Variants in GLI2 observed in about 807,000 individuals in gnomAD.
GLI2 encodes the protein transcription activator GLI2.
A neutral mutation model predicts 78.9 loss-of-function variants in GLI2; 22 were observed. The ratio of observed to expected loss-of-function variants is 0.28; its 90% confidence interval spans 0.20 to 0.40. The LOEUF (loss-of-function observed/expected upper bound fraction) is 0.40. Ranked by LOEUF, GLI2 falls within the 10% of genes least tolerant of loss-of-function variation. The pLI, the probability that GLI2 is intolerant of heterozygous loss-of-function variation, is 1.00. For missense variants in GLI2, 2,097 were observed against 2,213.2 expected (o/e 0.95, Z 1.05); for synonymous variants, 974 against 963.7 (o/e 1.01, Z -0.20).
At chr2:120,947,026 C>T (rs1439928335) in intron 3 of GLI2, among the ~76,000 whole-genome samples, 4 of 152,188 alleles carry the variant, frequency 2.6e-5, no homozygotes, top group Non-Finnish European at 4.4e-5. Flanking sequence ...CAGCTCCCTA[C>T]CCAGAGTAGG....
intron 2 of GLI2, among the ~76,000 whole-genome samples, chr2:120,926,302 C>G (rs897652731): frequency 6.6e-6 from 1 of 151,850 alleles, no homozygotes; most frequent in Admixed American, 6.6e-5. Flanking sequence ...TTTGGGAGGC[C>G]GAGGCAGATG....
chr2:120,864,698 T>C (rs1055441312), intron 2 of GLI2, among the ~76,000 whole-genome samples: 1 of 152,200 alleles, frequency 6.6e-6, no homozygotes, highest in Non-Finnish European at 1.5e-5. Flanking sequence ...CCACCCACGT[T>C]GGCCTCCCAA....
chr2:120,932,134 G>A (rs185564937), intron 3 of GLI2, among the ~76,000 whole-genome samples: 7 of 152,294 alleles, frequency 4.6e-5, no homozygotes, highest in African/African-American at 9.6e-5. Context: ...GTTGGAGCCC[G>A]GTGGAGAATC....
chr2:120,768,508 G>T lies in GLI2; in HGVS notation c.-30-28783G>T, dbSNP rs181390284. Among the ~76,000 whole-genome samples, 18 of 152,334 alleles carry T rather than the reference G, an allele frequency of 1.2e-4. No homozygotes were observed. The East Asian group carries it at 2.7e-3, about 23-fold the overall frequency. On this transcript the variant is annotated intron_variant, in intron 1 of 13. Coordinates refer to ENST00000361492, the MANE Select transcript of GLI2 (RefSeq NM_001374353.1). ...TGGCCCGCTGCTGGGAACAGAAGGG[G>T]CTCCGTCTACAGAGTGACTTGTTGC...
At chr2:120,923,326 A>G (rs546755694) in intron 2 of GLI2, among the ~76,000 whole-genome samples, 1 of 151,246 alleles carries the variant, frequency 6.6e-6, no homozygotes, top group African/African-American at 2.4e-5. Context: ...TACAACACAC[A>G]CATGCACATA....
intron 4 of GLI2, among the ~76,000 whole-genome samples, chr2:120,952,813 T>C (rs1188156060): frequency 6.6e-6 from 1 of 152,232 alleles, no homozygotes; most frequent in Non-Finnish European, 1.5e-5. Context: ...CCTATCCACA[T>C]CACTCCTGAG....
intron 3 of GLI2, among the ~76,000 whole-genome samples, chr2:120,946,823 T>C (rs1680730931): frequency 6.6e-6 from 1 of 152,222 alleles, no homozygotes; most frequent in Admixed American, 6.5e-5. Flanking sequence ...GCTGTGTGGT[T>C]TGGCAATGCT....
chr2:120,867,679 G>A (rs1247938703), intron 2 of GLI2, among the ~76,000 whole-genome samples: 1 of 152,252 alleles, frequency 6.6e-6, no homozygotes, highest in Non-Finnish European at 1.5e-5. Context: ...GTGTGTGAAG[G>A]CCTGGCCTGC....
intron 2 of GLI2, among the ~76,000 whole-genome samples, chr2:120,808,382 C>G (rs1384268888): frequency 6.6e-6 from 1 of 152,168 alleles, no homozygotes; most frequent in Non-Finnish European, 1.5e-5. Context: ...GCAAAGGCCC[C>G]TGTTGTCCAT....
chr2:120,921,870 A>C (rs2104848263), intron 2 of GLI2, among the ~76,000 whole-genome samples: 1 of 152,200 alleles, frequency 6.6e-6, no homozygotes, highest in East Asian at 1.9e-4. Flanking sequence ...GTGCCTGGCA[A>C]GTTAGCCTTC....
intron 2 of GLI2, among the ~76,000 whole-genome samples, chr2:120,798,045 T>C: frequency 6.6e-6 from 1 of 152,156 alleles, no homozygotes; most frequent in East Asian, 1.9e-4. Context: ...AGCATCCCGT[T>C]GGGAAAGTTT....
intron 2 of GLI2, among the ~76,000 whole-genome samples, chr2:120,831,113 C>T (rs1352209545): frequency 1.3e-5 from 2 of 151,866 alleles, no homozygotes; most frequent in African/African-American, 4.8e-5. Context: ...TTCTGTCATC[C>T]TCTCTCTTTC....
intron 2 of GLI2, among the ~76,000 whole-genome samples, chr2:120,830,083 G>T (rs1573445665): frequency 6.6e-6 from 1 of 152,198 alleles, no homozygotes; most frequent in Non-Finnish European, 1.5e-5. Flanking sequence ...GTGTGCTGCT[G>T]AGTGAGTGGG....
intron 2 of GLI2, among the ~76,000 whole-genome samples, chr2:120,825,257 T>C (rs1419826173): frequency 6.6e-6 from 1 of 152,246 alleles, no homozygotes; most frequent in Non-Finnish European, 1.5e-5. Flanking sequence ...GTTTTACAAA[T>C]ACATGATAAA....
chr2:120,862,052 G>T (rs1687927778), intron 2 of GLI2, among the ~76,000 whole-genome samples: 1 of 152,238 alleles, frequency 6.6e-6, no homozygotes, highest in Admixed American at 6.5e-5. Flanking sequence ...TGGCCCGTGT[G>T]TGAGTCTTTT....
chr2:120,765,197 T>C (rs1369852008), intron 1 of GLI2, among the ~76,000 whole-genome samples: 1 of 152,128 alleles, frequency 6.6e-6, no homozygotes, highest in Admixed American at 6.5e-5. Context: ...TCCTTGGGCC[T>C]CTCTCATGTG....
intron 2 of GLI2, among the ~76,000 whole-genome samples, chr2:120,895,597 G>A (rs534177047): frequency 3.3e-5 from 5 of 152,222 alleles, no homozygotes; most frequent in Non-Finnish European, 5.9e-5. Flanking sequence ...CAGCTGCTCG[G>A]GAGGCTGAGG....
chr2:120,840,585 G>T (rs1327243410), intron 2 of GLI2, among the ~76,000 whole-genome samples: 1 of 152,158 alleles, frequency 6.6e-6, no homozygotes, highest in African/African-American at 2.4e-5. Context: ...GATAGCTTAG[G>T]GGTCCTGGAC....
chr2:120,870,799 C>T (rs113013488), intron 2 of GLI2, among the ~76,000 whole-genome samples: 3,672 of 152,252 alleles, frequency 0.024, 81 homozygotes, highest in Non-Finnish European at 0.036. Context: ...TCTTCCTCTT[C>T]TGTGATATGA....
Sources: allele counts gnomAD v4.1 joint callset (sites outside exome capture counted in the v4.1 genomes callset), GRCh38; gene constraint gnomAD v4.1.1; transcripts MANE v1.5; gene names NCBI Gene and HGNC (gene_info 2026-07-23, HGNC 2026-07-21).